KIAA2012: variants seen among roughly 807,000 people sequenced by gnomAD.
KIAA2012 encodes uncharacterized protein KIAA2012.
KIAA2012 carries 125 observed loss-of-function variants against 150.6 expected under a neutral mutation model. The ratio of observed to expected loss-of-function variants is 0.83; its 90% confidence interval spans 0.72 to 0.96. KIAA2012 has a LOEUF of 0.96. Ranked by LOEUF, KIAA2012 falls within the 40% of genes least tolerant of loss-of-function variation. KIAA2012 has a pLI of 0.00. For synonymous variants in KIAA2012, 462 were observed against 504.7 expected (o/e 0.92, Z 1.13); for missense variants, 1,219 against 1,354.9 (o/e 0.90, Z 1.57).
rs1389064262 is a variant in KIAA2012 at position 202,102,016 on chromosome 2, A to G, written c.1156-930A>G. 3.9e-5 allele frequency among the ~76,000 whole-genome samples: 6 copies of G among 152,104 alleles called. No individual in the cohort carries two copies. The East Asian group carries it at 1.2e-3, about 29-fold the overall frequency. ...GCCTAATGCTTTTATTTTTCCTCCT[A>G]TGAAACTGAACTCCTGAAACCAGAA... is the stretch of plus-strand genomic sequence containing the variant. On this transcript the variant is annotated intron_variant, in intron 7 of 23. Coordinates refer to ENST00000498697, the MANE Select transcript of KIAA2012 (RefSeq NM_001277372.4).
At chr2:202,180,363 T>C (rs1372773209) in intron 15 of KIAA2012, among the ~76,000 whole-genome samples, 1 of 152,150 alleles carries the variant, frequency 6.6e-6, no homozygotes, top group African/African-American at 2.4e-5. Flanking sequence ...TTAAACATGT[T>C]TAAAGTATGT....
At chr2:202,130,175 T>A (rs1361360491) in intron 12 of KIAA2012, among the ~76,000 whole-genome samples, 1 of 152,186 alleles carries the variant, frequency 6.6e-6, no homozygotes, top group Non-Finnish European at 1.5e-5. Flanking sequence ...GCCAAAAAAA[T>A]AGTTTAATAA....
At chr2:202,118,688 C>T (rs1690585336) in intron 11 of KIAA2012, among the ~76,000 whole-genome samples, 1 of 152,222 alleles carries the variant, frequency 6.6e-6, no homozygotes, top group Non-Finnish European at 1.5e-5. Flanking sequence ...TAAGTTAGGT[C>T]TATCACACGT....
At chr2:202,089,898 C>CTG (rs2105914422) in intron 2 of KIAA2012, among the ~76,000 whole-genome samples, 1 of 152,260 alleles carries the variant, frequency 6.6e-6, no homozygotes, top group Non-Finnish European at 1.5e-5. Context: ...TCTAAATATT[C>CTG]TGTGCATGTT....
intron 15 of KIAA2012, among the ~76,000 whole-genome samples, chr2:202,170,085 C>T (rs983819576): frequency 6.6e-6 from 1 of 152,232 alleles, no homozygotes; most frequent in Non-Finnish European, 1.5e-5. Flanking sequence ...GCCACCTTCA[C>T]TGTGTCCTAC....
intron 10 of KIAA2012, among the ~76,000 whole-genome samples, chr2:202,112,791 G>T (rs1267123393): frequency 1.3e-5 from 2 of 152,206 alleles, no homozygotes; most frequent in Non-Finnish European, 2.9e-5. Context: ...TTACAGTCAG[G>T]TTATAAAAAA....
intron 4 of KIAA2012, among the ~76,000 whole-genome samples, chr2:202,094,446 A>G (rs1050932652): frequency 2.6e-5 from 4 of 152,156 alleles, no homozygotes; most frequent in Admixed American, 1.3e-4. Flanking sequence ...AAACATTTCA[A>G]CCAACCACAC....
Position 202,193,346 on chromosome 2 carries a change from C to T in KIAA2012, c.2857C>T (p.Leu953Phe), listed in dbSNP as rs1692354761. 3 of 1,550,160 alleles carry T rather than the reference C, an allele frequency of 1.9e-6. No individual in the cohort carries two copies. The South Asian group carries it at 3.6e-5, about 18-fold the overall frequency. ...REQEKASWDR[L>F]RAERAEMRWL... ...GCAGGAGAAGGCTTCCTGGGACAGG[C>T]TTCGAGCAGAAAGAGCCGAGATGAG... Residue 953 changes from leucine (L) to phenylalanine (F), a missense_variant, in exon 20 of 24, where the codon CTT (leucine) becomes TTT (phenylalanine). By Grantham distance (22) the Leu-to-Phe change is conservative. Coordinates refer to ENST00000498697, the MANE Select transcript of KIAA2012 (RefSeq NM_001277372.4).
intron 13 of KIAA2012, among the ~76,000 whole-genome samples, chr2:202,139,683 G>A (rs1438266914): frequency 1.3e-5 from 2 of 152,190 alleles, no homozygotes; most frequent in Non-Finnish European, 2.9e-5. Context: ...GCAGCTGAGC[G>A]GCTCCTCCCT....
chr2:202,099,529 C>A, intron 5 of KIAA2012, 84 bp from the exon 6 acceptor site: 1 of 1,133,710 alleles, frequency 8.8e-7, no homozygotes, highest in Non-Finnish European at 1.2e-6. Context: ...AAACCATAAG[C>A]CTAGCCACAA....
chr2:202,174,386 A>G (rs1045594433), intron 15 of KIAA2012, among the ~76,000 whole-genome samples: 1 of 152,232 alleles, frequency 6.6e-6, no homozygotes, highest in African/African-American at 2.4e-5. Context: ...GAAAGATGAA[A>G]GGATAGGAAG....
intron 12 of KIAA2012, chr2:202,136,018 A>C: frequency 3.0e-6 from 1 of 338,430 alleles, no homozygotes. Flanking sequence ...TTTTTTTTGA[A>C]ACAGAGTCTC....
intron 10 of KIAA2012, among the ~76,000 whole-genome samples, chr2:202,111,825 G>A (rs537696985): frequency 8.1e-4 from 124 of 152,212 alleles, no homozygotes; most frequent in African/African-American, 2.8e-3. Flanking sequence ...CTGTGAGAGT[G>A]TGCATATATG....
At chr2:202,130,699 T>G (rs1690910418) in intron 12 of KIAA2012, among the ~76,000 whole-genome samples, 1 of 152,100 alleles carries the variant, frequency 6.6e-6, no homozygotes, top group South Asian at 2.1e-4. Flanking sequence ...GGAGGATCAC[T>G]TGAGGTCAGG....
intron 2 of KIAA2012, among the ~76,000 whole-genome samples, chr2:202,079,069 C>T (rs904799155): frequency 1.3e-5 from 2 of 152,046 alleles, no homozygotes; most frequent in African/African-American, 4.8e-5. Context: ...TGGTGATGCA[C>T]GCCTGTAATC....
intron 3 of KIAA2012, 69 bp from the exon 4 acceptor site, chr2:202,092,961 G>T: frequency 7.3e-7 from 1 of 1,374,264 alleles, no homozygotes; most frequent in Non-Finnish European, 1.0e-6. Flanking sequence ...GAGGAACCTT[G>T]TAGTTACCAC....
intron 15 of KIAA2012, among the ~76,000 whole-genome samples, chr2:202,173,340 C>T (rs6435132): frequency 0.37 from 55,827 of 152,034 alleles, 10,421 homozygotes; most frequent in East Asian, 0.58. Context: ...GAGGCCAAGG[C>T]GAGCGGATCA....
rs1342114905 is a variant in KIAA2012, at chr2:202,090,845, C to T, written c.445C>T (p.Gln149Ter). The change falls in exon 3 of 24, where the codon CAG (glutamine) becomes TAG (stop). Residue 149 changes from glutamine (Q) to a stop codon, truncating the protein, a stop_gained. Coordinates refer to ENST00000498697, the MANE Select transcript of KIAA2012 (RefSeq NM_001277372.4). LOFTEE classifies it high-confidence loss of function. ...GGAGAGCCAGGCCCAACGGCAGATC[C>T]AGCCAGGGCATTCAGCCAAGAGATA... ...QLESQAQRQI[Q>*]PGHSAKRYLR... is the part of the protein sequence containing the mutation. 6.4e-7 allele frequency: 1 copy of T among 1,550,492 alleles called. No individual in the cohort carries two copies. The highest frequency in any genetic ancestry group is 1.4e-5 in the African/African-American group (1 of 73,064).
In KIAA2012 at chr2:202,193,368, T is replaced by C. The variant is rs1692355247; in HGVS notation, c.2879T>C (p.Met960Thr). Residue 960 changes from methionine (M) to threonine (T), a missense_variant, in exon 20 of 24, where the codon ATG (methionine) becomes ACG (threonine). Coordinates refer to ENST00000498697, the MANE Select transcript of KIAA2012 (RefSeq NM_001277372.4). The part of the protein sequence containing the change: ...WDRLRAERAE[M>T]RWLEVEKKRR... ...AGGCTTCGAGCAGAAAGAGCCGAGA[T>C]GAGGTGGCTGGAGGTGGAGAAGAAG... 6.5e-7 allele frequency: 1 copy of C among 1,549,974 alleles called. No homozygotes were observed. Among genetic ancestry groups the C allele is most frequent in the African/African-American group, 1.4e-5 (1 of 72,982 alleles).
Sources: allele counts gnomAD v4.1 joint callset (sites outside exome capture counted in the v4.1 genomes callset), GRCh38; gene constraint gnomAD v4.1.1; transcripts MANE v1.5; gene names NCBI Gene and HGNC (gene_info 2026-07-23, HGNC 2026-07-21).